The following ETV6 variants were observed in gnomAD, a reference collection of about 807,000 sequenced individuals.
ETV6 encodes the protein ETS variant transcription factor 6.
A neutral mutation model predicts 51.1 loss-of-function variants in ETV6; 16 were observed. The observed-to-expected ratio is 0.31, with a 90% CI of 0.21 to 0.48. ETV6 has a LOEUF of 0.48. ETV6 is among the 20% of genes least tolerant of loss of function. The probability of loss-of-function intolerance (pLI) is 0.99; values close to 1 mark genes in which losing one functional copy is unlikely to be tolerated. For synonymous variants in ETV6, 240 were observed against 224.1 expected (o/e 1.07, Z -0.64); for missense variants, 458 against 594.8 (o/e 0.77, Z 2.39).
At chr12:11,773,679 G>C (rs1228686202) in intron 2 of ETV6, among the ~76,000 whole-genome samples, 1 of 152,174 alleles carries the variant, frequency 6.6e-6, no homozygotes, top group Non-Finnish European at 1.5e-5. Context: ...AAATAAGCAG[G>C]GTTCTGGTAG....
In ETV6 at chr12:11,735,295, A is replaced by G. The variant is rs77156732; in HGVS notation, c.34-17155A>G. Among the ~76,000 whole-genome samples, 217 of 152,208 alleles carry G rather than the reference A, an allele frequency of 1.4e-3. 5 individuals carry two copies. In the East Asian group the frequency reaches 0.036, roughly 25 times the overall value. Reference sequence around the variant, plus strand: ...AATAGGGTCACAGACCCCCAATTGTATAAGCCTTTGGCTTCTTGATGTCTC... The same window carrying G: ...AATAGGGTCACAGACCCCCAATTGTGTAAGCCTTTGGCTTCTTGATGTCTC... On this transcript the variant is annotated intron_variant, in intron 1 of 7. Coordinates refer to ENST00000396373, the MANE Select transcript of ETV6 (RefSeq NM_001987.5).
chr12:11,756,647 G>C (rs1203683260), intron 2 of ETV6, among the ~76,000 whole-genome samples: 1 of 152,190 alleles, frequency 6.6e-6, no homozygotes, highest in Middle Eastern at 3.2e-3. Flanking sequence ...CTCACCAGGG[G>C]ACTTGTAGTC....
At chr12:11,890,439 T>C (rs957504473) in intron 7 of ETV6, among the ~76,000 whole-genome samples, 2 of 150,450 alleles carry the variant, frequency 1.3e-5, no homozygotes, top group African/African-American at 4.8e-5. Flanking sequence ...TTTTTTTTTT[T>C]TTCCAATAAT....
rs201306094 is a variant in ETV6 at position 11,778,314 on chromosome 12, G to GCA, written c.163+25747_163+25748dup. Among the ~76,000 whole-genome samples, 5 of 152,200 alleles carry GCA rather than the reference G, an allele frequency of 3.3e-5. No individual in the cohort carries two copies. In the South Asian group the frequency reaches 6.2e-4, roughly 19 times the overall value. Reference sequence around the variant, plus strand: ...CAGCCTGGCGAGCGCACACGCGTGTGCACACACACACACTCCTGTGTTTAA... The same window carrying GCA: ...CAGCCTGGCGAGCGCACACGCGTGTGCACACACACACACACTCCTGTGTTTAA... On this transcript the variant is annotated intron_variant, in intron 2 of 7. Coordinates refer to ENST00000396373, the MANE Select transcript of ETV6 (RefSeq NM_001987.5).
chr12:11,718,139 G>A (rs1473993382), intron 1 of ETV6, among the ~76,000 whole-genome samples: 1 of 152,132 alleles, frequency 6.6e-6, no homozygotes, highest in African/African-American at 2.4e-5. Context: ...AAAACTAGTG[G>A]TCCAAAGTGG....
intron 1 of ETV6, among the ~76,000 whole-genome samples, chr12:11,663,348 T>G (rs1398509062): frequency 6.6e-6 from 1 of 152,240 alleles, no homozygotes; most frequent in African/African-American, 2.4e-5. Context: ...TGGGCTATTT[T>G]TAGCTTTAGT....
At chr12:11,837,462 A>C (rs953686114) in intron 2 of ETV6, among the ~76,000 whole-genome samples, 2 of 152,154 alleles carry the variant, frequency 1.3e-5, no homozygotes. Context: ...TCAAAACTAC[A>C]CTTTGCAAAG....
chr12:11,825,005 A>G (rs960324796), intron 2 of ETV6, among the ~76,000 whole-genome samples: 10 of 152,258 alleles, frequency 6.6e-5, no homozygotes, highest in African/African-American at 2.2e-4. Context: ...CAAATCCCAC[A>G]CAAAGTTTTT....
In ETV6 at chr12:11,748,209, A is replaced by G. The variant is rs539397310; in HGVS notation, c.34-4241A>G. ...GCATTTTTACCCTAGCTGTGGGGAA[A>G]TGACCACTATCCTGTGTCCATGACA... On this transcript the variant is annotated intron_variant, in intron 1 of 7. Coordinates refer to ENST00000396373, the MANE Select transcript of ETV6 (RefSeq NM_001987.5). Among the ~76,000 whole-genome samples, 137 of 152,328 alleles carry G rather than the reference A, an allele frequency of 9.0e-4. 1 individual carries two copies. Among genetic ancestry groups the G allele is most frequent in the African/African-American group, 3.2e-3 (133 of 41,570 alleles).
At chr12:11,812,747 A>C (rs1170924050) in intron 2 of ETV6, among the ~76,000 whole-genome samples, 1 of 152,192 alleles carries the variant, frequency 6.6e-6, no homozygotes, top group Non-Finnish European at 1.5e-5. Flanking sequence ...TGAAAGCTGC[A>C]GGGGAGGCTC....
chr12:11,815,334 C>T (rs1945974988), intron 2 of ETV6, among the ~76,000 whole-genome samples: 1 of 152,224 alleles, frequency 6.6e-6, no homozygotes, highest in Non-Finnish European at 1.5e-5. Context: ...AATTCCTTCT[C>T]CATGATTTCC....
At chr12:11,715,721 T>G (rs1865261961) in intron 1 of ETV6, among the ~76,000 whole-genome samples, 1 of 152,196 alleles carries the variant, frequency 6.6e-6, no homozygotes, top group Admixed American at 6.5e-5. Context: ...AATCATAAAT[T>G]GAGGATTTAT....
Position 11,767,946 on chromosome 12 carries a change from G to A in ETV6, c.163+15367G>A, listed in dbSNP as rs532871636. Among the ~76,000 whole-genome samples, 10 of 152,268 alleles carry A rather than the reference G, an allele frequency of 6.6e-5. No individual in the cohort carries two copies. The South Asian group carries it at 1.0e-3, about 16-fold the overall frequency. ...AAATGACTAGGATCATGGGTTGAAC[G>A]TGAGTTTGCTCAAGAGAAGGTTCTC... On this transcript the variant is annotated intron_variant, in intron 2 of 7. Coordinates refer to ENST00000396373, the MANE Select transcript of ETV6 (RefSeq NM_001987.5).
At chr12:11,821,803 A>G (rs931280801) in intron 2 of ETV6, among the ~76,000 whole-genome samples, 3 of 152,172 alleles carry the variant, frequency 2.0e-5, no homozygotes, top group Non-Finnish European at 2.9e-5. Context: ...TCCCACCACC[A>G]TACAACAACT....
At chr12:11,687,235 A>C (rs1161733257) in intron 1 of ETV6, among the ~76,000 whole-genome samples, 1 of 95,262 alleles carries the variant, frequency 1.0e-5, no homozygotes. Flanking sequence ...TTTTCAGCTC[A>C]CTGCAACCTC....
intron 1 of ETV6, among the ~76,000 whole-genome samples, chr12:11,676,731 C>T (rs1272218340): frequency 2.0e-5 from 3 of 152,070 alleles, no homozygotes; most frequent in Admixed American, 6.5e-5. Context: ...TCAATAAGCC[C>T]ACGAGATCAG....
At chr12:11,802,788 T>G (rs1945768696) in intron 2 of ETV6, among the ~76,000 whole-genome samples, 1 of 152,232 alleles carries the variant, frequency 6.6e-6, no homozygotes, top group Non-Finnish European at 1.5e-5. Context: ...GAGCTTTGAA[T>G]GTCTCCAATG....
intron 5 of ETV6, among the ~76,000 whole-genome samples, chr12:11,875,354 G>A (rs1008076831): frequency 2.0e-5 from 3 of 152,210 alleles, no homozygotes; most frequent in Admixed American, 6.5e-5. Flanking sequence ...ACGCTGTATG[G>A]AATAGTGAAA....
At chr12:11,743,651 A>C (rs1446466350) in intron 1 of ETV6, among the ~76,000 whole-genome samples, 2 of 152,214 alleles carry the variant, frequency 1.3e-5, no homozygotes, top group Non-Finnish European at 2.9e-5. Flanking sequence ...CACATCTTTA[A>C]AACCTCAAGT....
Sources: allele counts gnomAD v4.1 joint callset (sites outside exome capture counted in the v4.1 genomes callset), GRCh38; gene constraint gnomAD v4.1.1; transcripts MANE v1.5; gene names NCBI Gene and HGNC (gene_info 2026-07-23, HGNC 2026-07-21).